The following DPP10 variants were observed in gnomAD, a reference collection of about 807,000 sequenced individuals.
The protein encoded by DPP10 is inactive dipeptidyl peptidase 10.
A neutral mutation model predicts 120.9 loss-of-function variants in DPP10; 33 were observed. The observed-to-expected ratio is 0.27, with a 90% CI of 0.21 to 0.37. The LOEUF is 0.37. Ranked by LOEUF, DPP10 falls within the 10% of genes least tolerant of loss-of-function variation. The pLI, the probability that DPP10 is intolerant of heterozygous loss-of-function variation, is 1.00. For missense variants in DPP10, 816 were observed against 942.8 expected, an observed-to-expected ratio of 0.87 and a Z score of 1.76; for synonymous variants, 337 against 326.1, an observed-to-expected ratio of 1.03 and a Z score of -0.36.
chr2:115,297,400 G>GT (rs1423824995), intron 1 of DPP10: 1 of 173,288 alleles, frequency 5.8e-6, no homozygotes, highest in Non-Finnish European at 1.3e-5. Context: ...TAGATTATCT[G>GT]TTGTCAAGAG....
At chr2:115,597,887 A>G (rs1169808163) in intron 5 of DPP10, among the ~76,000 whole-genome samples, 1 of 152,022 alleles carries the variant, frequency 6.6e-6, no homozygotes, top group Non-Finnish European at 1.5e-5. Context: ...TCAAACTATG[A>G]TTGTAAAGTT....
intron 3 of DPP10, among the ~76,000 whole-genome samples, chr2:115,443,221 A>G (rs1353926542): frequency 6.6e-6 from 1 of 152,172 alleles, no homozygotes; most frequent in East Asian, 1.9e-4. Flanking sequence ...CGATTTGAGC[A>G]CAGTTTTGTT....
intron 1 of DPP10, among the ~76,000 whole-genome samples, chr2:114,964,967 G>T (rs1390556756): frequency 1.3e-5 from 2 of 152,162 alleles, no homozygotes; most frequent in Non-Finnish European, 2.9e-5. Context: ...ATAAGAATAA[G>T]GTAGACTCAA....
intron 1 of DPP10, among the ~76,000 whole-genome samples, chr2:115,263,233 T>G (rs2105764000): frequency 6.6e-6 from 1 of 152,320 alleles, no homozygotes; most frequent in Admixed American, 6.5e-5. Context: ...CTGACAATAC[T>G]TCAAAAATTG....
chr2:115,492,391 G>C (rs994369238), intron 3 of DPP10, among the ~76,000 whole-genome samples: 2 of 152,072 alleles, frequency 1.3e-5, no homozygotes, highest in African/African-American at 4.8e-5. Flanking sequence ...TTCAATAAGT[G>C]GTCTTGATTA....
intron 1 of DPP10, among the ~76,000 whole-genome samples, chr2:115,274,977 GTTTTC>G (rs1271863139): frequency 6.6e-6 from 1 of 152,064 alleles, no homozygotes; most frequent in African/African-American, 2.4e-5. Flanking sequence ...ATCCTATTTT[GTTTTC>G]TTTTATATTA....
chr2:115,584,750 A>G (rs943935631), intron 5 of DPP10, among the ~76,000 whole-genome samples: 1 of 152,116 alleles, frequency 6.6e-6, no homozygotes, highest in African/African-American at 2.4e-5. Context: ...AGGGATTACA[A>G]TTCTGAGCCA....
At chr2:114,905,860 A>G (rs1693919776) in intron 1 of DPP10, among the ~76,000 whole-genome samples, 1 of 152,196 alleles carries the variant, frequency 6.6e-6, no homozygotes, top group African/African-American at 2.4e-5. Context: ...TATATAGATT[A>G]TATAATTGAT....
At chr2:115,094,532 C>A (rs1437746732) in intron 1 of DPP10, among the ~76,000 whole-genome samples, 1 of 152,130 alleles carries the variant, frequency 6.6e-6, no homozygotes, top group Non-Finnish European at 1.5e-5. Flanking sequence ...TGATATTCTG[C>A]AAATACAATA....
At chr2:114,729,323 T>G (rs1676660245) in intron 1 of DPP10, among the ~76,000 whole-genome samples, 1 of 152,228 alleles carries the variant, frequency 6.6e-6, no homozygotes, top group Non-Finnish European at 1.5e-5. Context: ...AGCCATTTTG[T>G]AGGTTATAAG....
At chr2:114,686,077 T>G (rs1699346489) in intron 1 of DPP10, among the ~76,000 whole-genome samples, 1 of 151,906 alleles carries the variant, frequency 6.6e-6, no homozygotes, top group Non-Finnish European at 1.5e-5. Context: ...CTGGAACACA[T>G]GCAGGCTGCT....
rs1466170384 is a variant in DPP10 at position 115,843,386 on chromosome 2, T to C, written c.*1041T>C. ...GTGGAGAAGGCTTTTTTCAAAACTCTTGGTCCTTTTACTTCTTTCTCTCAG... is the reference window on the plus strand; with the variant it reads ...GTGGAGAAGGCTTTTTTCAAAACTCCTGGTCCTTTTACTTCTTTCTCTCAG... On this transcript the variant is annotated 3_prime_UTR_variant, in exon 26 of 26. Coordinates refer to ENST00000410059, the MANE Select transcript of DPP10 (RefSeq NM_020868.6). 6.6e-6 allele frequency: 1 copy of C among 152,638 alleles called. No individual in the cohort carries two copies. The highest frequency in any genetic ancestry group is 1.5e-5 in the Non-Finnish European group (1 of 68,022). The allele number at this position is 152,638 out of a possible 1,614,324, so 9.5% of individuals were successfully genotyped here. A position where few individuals can be genotyped will look rare whatever the true frequency, so the allele number is the denominator to read the frequency against.
At chr2:114,512,718 T>C (rs1198594138) in intron 1 of DPP10, among the ~76,000 whole-genome samples, 1 of 152,182 alleles carries the variant, frequency 6.6e-6, no homozygotes, top group Non-Finnish European at 1.5e-5. Flanking sequence ...TACTAATTCG[T>C]CATCACCAAA....
At chr2:114,836,396 G>T (rs1272937374) in intron 1 of DPP10, among the ~76,000 whole-genome samples, 3 of 152,082 alleles carry the variant, frequency 2.0e-5, no homozygotes, top group African/African-American at 7.2e-5. Context: ...TTTAAAGCTG[G>T]GCTTCCGGGG....
chr2:114,742,206 C>G (rs1452349271), intron 1 of DPP10, among the ~76,000 whole-genome samples: 2 of 152,086 alleles, frequency 1.3e-5, no homozygotes, highest in African/African-American at 4.8e-5. Flanking sequence ...TCTCTAACAG[C>G]CTTTCCATAA....
rs1266511603 is a variant in DPP10, at chr2:114,980,656, A to G, written c.61-328583A>G. Among the ~76,000 whole-genome samples, 3 of 151,802 alleles carry G rather than the reference A, an allele frequency of 2.0e-5. No individual in the cohort carries two copies. The East Asian group carries it at 5.8e-4, about 29-fold the overall frequency. ...ACTGAAAAAAAAAAAAAAAGAATAC[A>G]ATTCAGAAATTCCCTGAACTAGAAA... On this transcript the variant is annotated intron_variant, in intron 1 of 25. Coordinates refer to ENST00000410059, the MANE Select transcript of DPP10 (RefSeq NM_020868.6).
At chr2:115,821,964 T>C (rs189670410) in intron 21 of DPP10, among the ~76,000 whole-genome samples, 89 of 152,170 alleles carry the variant, frequency 5.8e-4, no homozygotes, top group African/African-American at 2.1e-3. Context: ...TTGAAAGTAT[T>C]CATACTTTGT....
chr2:115,362,500 A>C (rs2064844422), intron 3 of DPP10, among the ~76,000 whole-genome samples: 1 of 152,192 alleles, frequency 6.6e-6, no homozygotes, highest in African/African-American at 2.4e-5. Flanking sequence ...AAAAAGCTTT[A>C]TATAACTGGC....
At chr2:115,016,512 A>C (rs1702648931) in intron 1 of DPP10, among the ~76,000 whole-genome samples, 1 of 152,230 alleles carries the variant, frequency 6.6e-6, no homozygotes. Flanking sequence ...ATGGGAGCTA[A>C]CTAAACTAAA....
Sources: gnomAD v4.1 joint callset for allele counts (sites outside exome capture counted in the v4.1 genomes callset) on GRCh38, gnomAD v4.1.1 for gene constraint, MANE v1.5 for transcripts, NCBI Gene and HGNC (gene_info 2026-07-23, HGNC 2026-07-21) for gene names.